ZKSCAN3: variants seen among roughly 807,000 people sequenced by gnomAD.
ZKSCAN3 encodes zinc finger protein with KRAB and SCAN domains 3.
ZKSCAN3 carries 21 observed loss-of-function variants against 30.7 expected under a neutral mutation model. That is an observed-to-expected ratio of 0.68 (90% CI 0.49 to 0.99). The LOEUF (loss-of-function observed/expected upper bound fraction) is 0.99. ZKSCAN3 is among the 50% of genes least tolerant of loss of function. The pLI, the probability that ZKSCAN3 is intolerant of heterozygous loss-of-function variation, is 0.00. For missense variants in ZKSCAN3, 507 were observed against 647.1 expected (o/e 0.78, Z 2.35); for synonymous variants, 201 against 246.7 (o/e 0.81, Z 1.73).
At chr6:28,356,772 C>G (rs535853122) in intron 1 of ZKSCAN3, among the ~76,000 whole-genome samples, 15 of 152,376 alleles carry the variant, frequency 9.8e-5, no homozygotes, top group African/African-American at 3.6e-4. Context: ...CTTCTCCACA[C>G]TCGTGGAGGG....
At chr6:28,356,901 C>G (rs563658661) in intron 1 of ZKSCAN3, among the ~76,000 whole-genome samples, 20 of 152,344 alleles carry the variant, frequency 1.3e-4, no homozygotes, top group African/African-American at 4.8e-4. Context: ...GCTGAAGACC[C>G]ACTCACCTCA....
rs11751928 is a variant in ZKSCAN3 at position 28,367,601 on chromosome 6, C to A, written c.*1316C>A. 6 of 152,162 alleles carry A rather than the reference C, an allele frequency of 3.9e-5. No homozygotes were observed. The highest frequency in any genetic ancestry group is 1.2e-4 in the African/African-American group (5 of 41,490). The allele number at this position is 152,162 out of a possible 1,614,324, so 9.4% of individuals were successfully genotyped here. A position where few individuals can be genotyped will look rare whatever the true frequency, so the allele number is the denominator to read the frequency against. The stretch of plus-strand genomic sequence containing the variant: ...GTTCTCTCGGGCCTAACCAATGCCT[C>A]CTAAAACAATAGATACTATCCTGCC... On this transcript the variant is annotated 3_prime_UTR_variant, in exon 6 of 6. Coordinates refer to ENST00000252211, the MANE Select transcript of ZKSCAN3 (RefSeq NM_024493.4).
chr6:28,352,958 CTTTTTCTTTTTT>C (rs199945240), intron 1 of ZKSCAN3, among the ~76,000 whole-genome samples: 2,762 of 138,452 alleles, frequency 0.02, 101 homozygotes, highest in African/African-American at 0.073. Context: ...CTTTTCTTTT[CTTTTTCTTTTTT>C]TTTTTTTTTT....
At chr6:28,360,164 T>A (rs751464221) in intron 2 of ZKSCAN3, 176 bp downstream of exon 2, 41 of 1,069,044 alleles carry the variant, frequency 3.8e-5, no homozygotes, top group African/African-American at 5.0e-5. Flanking sequence ...ATTTTTTTTT[T>A]AAAATACATA....
chr6:28,358,704 T>C (rs1426183043), intron 1 of ZKSCAN3, among the ~76,000 whole-genome samples: 4 of 151,898 alleles, frequency 2.6e-5, no homozygotes, highest in Non-Finnish European at 4.4e-5. Flanking sequence ...GCCAACATGG[T>C]GAAACCCCAG....
Position 28,363,694 on chromosome 6 carries a change from G to A in ZKSCAN3, c.636G>A (p.Gly212=), listed in dbSNP as rs147319497. 1.4e-4 allele frequency: 230 copies of A among 1,614,022 alleles called. No homozygotes were observed. The African/African-American group carries it at 2.8e-3, about 19-fold the overall frequency. ...VASRLTPESQ[G]LLKVEDVALT... is the part of the protein sequence containing the mutation. ...AATGGGATTACCTATTGTTTTAGGG[G>A]TTGTTGAAAGTGGAAGATGTGGCCC... is the stretch of plus-strand genomic sequence containing the variant. Residue 212 remains glycine (G), a splice_region_variant and synonymous_variant, in exon 5 of 6, where the codon GGG becomes GGA. Coordinates refer to ENST00000252211, the MANE Select transcript of ZKSCAN3 (RefSeq NM_024493.4).
At chr6:28,358,231 C>G (rs1469573100) in intron 1 of ZKSCAN3, among the ~76,000 whole-genome samples, 1 of 152,176 alleles carries the variant, frequency 6.6e-6, no homozygotes, top group East Asian at 1.9e-4. Flanking sequence ...GTTGCCTAGG[C>G]TGGAGTACAG....
At position 28,366,068 on chromosome 6, in the gene ZKSCAN3, T is replaced by G; in HGVS notation, c.1400T>G (p.Met467Arg). 6.2e-7 allele frequency: 1 copy of G among 1,607,996 alleles called. No homozygotes were observed. Among genetic ancestry groups the G allele is most frequent in the Non-Finnish European group, 8.5e-7 (1 of 1,177,772 alleles). ...CAGGGAGAGGCCTGGAAAAGTAGGA[T>G]GGAAAGCCAGTTGGAAAATGTTGAA... Reference protein sequence around the residue: ...PEQGEAWKSRMESQLENVETP... With the variant: ...PEQGEAWKSRRESQLENVETP... Residue 467 changes from methionine (M) to arginine (R), a missense_variant, in exon 6 of 6, where the codon ATG becomes AGG. Transcript: ENST00000252211.
intron 3 of ZKSCAN3, among the ~76,000 whole-genome samples, chr6:28,362,221 C>T (rs1215108946): frequency 6.6e-6 from 1 of 152,198 alleles, no homozygotes; most frequent in Non-Finnish European, 1.5e-5. Flanking sequence ...GTGGAGCTTA[C>T]ATTTAAGTGA....
intron 1 of ZKSCAN3, among the ~76,000 whole-genome samples, chr6:28,352,026 G>T (rs1237302891): frequency 6.6e-6 from 1 of 151,470 alleles, no homozygotes; most frequent in South Asian, 2.1e-4. Flanking sequence ...TTTTCAGTGG[G>T]GTCCGAATAT....
At position 28,369,045 on chromosome 6, in the gene ZKSCAN3, AG is replaced by A. The variant is rs1449955225; in HGVS notation, c.*2761del. 1 of 152,212 alleles carries A rather than the reference AG, an allele frequency of 6.6e-6. No homozygotes were observed. The highest frequency in any genetic ancestry group is 2.4e-5 in the African/African-American group (1 of 41,464). The allele number at this position is 152,212 out of a possible 1,614,324, so 9.4% of individuals were successfully genotyped here. A position where few individuals can be genotyped will look rare whatever the true frequency, so the allele number is the denominator to read the frequency against. On this transcript the variant is annotated 3_prime_UTR_variant, in exon 6 of 6. Transcript: ENST00000252211. This position sits in a 1 kb window ranked among gnomAD's most constrained non-coding sequence, Gnocchi z 4.1. ...CCACAATCCTTTATAGAACTATCCAAGTCCCTGTTTTTATGCTAGTTTCCAA... is the reference window on the plus strand; with the variant it reads ...CCACAATCCTTTATAGAACTATCCAATCCCTGTTTTTATGCTAGTTTCCAA...
chr6:28,366,285 AC>A lies in ZKSCAN3; in HGVS notation c.*3del. On this transcript the variant is annotated 3_prime_UTR_variant, in exon 6 of 6. Transcript: ENST00000252211. ...TAGGGAAAAACATCCTATCACAGTG[AC>A]CCATGCCATACATGCCAGAGTTGGT... The A allele has an allele frequency of 6.6e-7, 1 of 1,512,846 alleles. No homozygotes were observed. The highest frequency in any genetic ancestry group is 1.4e-5 in the South Asian group (1 of 73,706). The allele number at this position is 1,512,846 out of a possible 1,614,324, so 93.7% of individuals were successfully genotyped here. A position where few individuals can be genotyped will look rare whatever the true frequency, so the allele number is the denominator to read the frequency against.
At chr6:28,360,132 C>T (rs1454066546) in intron 2 of ZKSCAN3, 144 bp downstream of exon 2, 6 of 1,411,718 alleles carry the variant, frequency 4.3e-6, no homozygotes, top group Non-Finnish European at 5.8e-6. Context: ...AAGGTGAAGT[C>T]CCTGGACTCC....
chr6:28,363,656 C>T, intron 4 of ZKSCAN3, 36 bp from the exon 5 acceptor site: 1 of 1,613,248 alleles, frequency 6.2e-7, no homozygotes, highest in Non-Finnish European at 8.5e-7. Flanking sequence ...CCATTTTGGT[C>T]AGCCCCTTCT....
intron 2 of ZKSCAN3, 120 bp from the exon 3 acceptor site, chr6:28,361,204 G>T: frequency 9.0e-7 from 1 of 1,106,828 alleles, no homozygotes; most frequent in Non-Finnish European, 1.3e-6. Flanking sequence ...TTATAAGATT[G>T]TTGTTTTCTG....
At position 28,351,206 on chromosome 6, in the gene ZKSCAN3, C is replaced by T. The variant is rs1410146384; in HGVS notation, c.-63+1139C>T. 6.6e-6 allele frequency among the ~76,000 whole-genome samples: 1 copy of T among 152,152 alleles called. No individual in the cohort carries two copies. Among genetic ancestry groups the T allele is most frequent in the Non-Finnish European group, 1.5e-5 (1 of 68,034 alleles). ...CCAATTTCCCAATCTTGTGCCTTCCCACTGTGATCAGTTTGGCTCAGATCC... is the reference window on the plus strand; with the variant it reads ...CCAATTTCCCAATCTTGTGCCTTCCTACTGTGATCAGTTTGGCTCAGATCC... On this transcript the variant is annotated intron_variant, in intron 1 of 5. Coordinates refer to ENST00000252211, the MANE Select transcript of ZKSCAN3 (RefSeq NM_024493.4). This position sits in a 1 kb window ranked among gnomAD's most constrained non-coding sequence, Gnocchi z 4.6.
Position 28,366,638 on chromosome 6 carries a change from G to A in ZKSCAN3, c.*353G>A, listed in dbSNP as rs915118519. 1.1e-5 allele frequency: 2 copies of A among 179,632 alleles called. No homozygotes were observed. Among genetic ancestry groups the A allele is most frequent in the African/African-American group, 4.7e-5 (2 of 42,402 alleles). The allele number at this position is 179,632 out of a possible 1,614,324, so 11.1% of individuals were successfully genotyped here. ...GTTGTGATTTGGGGGCTGCTTCTCTGACCATTCTTTTTGACTGTAATGAAT... is the reference window on the plus strand; with the variant it reads ...GTTGTGATTTGGGGGCTGCTTCTCTAACCATTCTTTTTGACTGTAATGAAT... On this transcript the variant is annotated 3_prime_UTR_variant, in exon 6 of 6. Transcript: ENST00000252211.
rs1764999975 is a variant in ZKSCAN3, at chr6:28,351,325, TC to T, written c.-63+1262del. On this transcript the variant is annotated intron_variant, in intron 1 of 5. Transcript: ENST00000252211. The surrounding 1 kb of genome is among the most constrained non-coding windows in gnomAD (Gnocchi z 4.6). ...TTTTCCTGCCATAGACTTCCTCCCT[TC>T]CCCACCGTGGACACCCTCCTCATTC... Among the ~76,000 whole-genome samples, 1 of 152,068 alleles carries T rather than the reference TC, an allele frequency of 6.6e-6. No homozygotes were observed. Among genetic ancestry groups the T allele is most frequent in the Non-Finnish European group, 1.5e-5 (1 of 68,010 alleles).
chr6:28,363,794 C>G lies in ZKSCAN3; in HGVS notation c.736C>G (p.His246Asp). The stretch of plus-strand genomic sequence containing the variant: ...CTGTAGAGATGAAAAGCAGGAGAAC[C>G]ATGGCAGCCTGGTCTCCCTGGGTAA... The part of the protein sequence containing the change: ...NLCRDEKQEN[H>D]GSLVSLGDEK... The change falls in exon 5 of 6, where the codon CAT (histidine) becomes GAT (aspartate). Residue 246 changes from histidine (H) to aspartate (D), a missense_variant. Coordinates refer to ENST00000252211, the MANE Select transcript of ZKSCAN3 (RefSeq NM_024493.4). 1 of 1,613,898 alleles carries G rather than the reference C, an allele frequency of 6.2e-7. No homozygotes were observed. The highest frequency in any genetic ancestry group is 1.1e-5 in the South Asian group (1 of 91,076).
Sources: gnomAD v4.1 joint callset for allele counts (sites outside exome capture counted in the v4.1 genomes callset) on GRCh38, gnomAD v4.1.1 for gene constraint, Gnocchi (gnomAD v3.1) non-coding constraint, MANE v1.5 for transcripts, NCBI Gene and HGNC (gene_info 2026-07-23, HGNC 2026-07-21) for gene names.